The following TAOK3 variants were observed in gnomAD, a reference collection of about 807,000 sequenced individuals.
The protein encoded by TAOK3 is serine/threonine-protein kinase TAO3.
In TAOK3, 40 loss-of-function variants were observed where a neutral mutation model predicts 120.4. That is an observed-to-expected ratio of 0.33 (90% CI 0.26 to 0.43). The LOEUF is 0.43. TAOK3 is among the 20% of genes least tolerant of loss of function. TAOK3 has a pLI of 1.00. For missense variants in TAOK3, 821 were observed against 1,112.1 expected (o/e 0.74, Z 3.72); for synonymous variants, 355 against 387.5 (o/e 0.92, Z 0.99).
rs1016563808 is a variant in TAOK3, at chr12:118,172,484, G to A, written c.1872C>T (p.His624=). ...FFKRKIMIKR[H]EVEQQNIREE... The stretch of plus-strand genomic sequence containing the variant: ...CCCGAATGTTCTGCTGCTCCACCTC[G>A]TGCCGCTTGATCATTATTTTCCGCT... Residue 624 remains histidine, a synonymous_variant, in exon 17 of 21, where the codon CAC becomes CAT. Transcript: ENST00000392533. 13 of 1,613,982 alleles carry A rather than the reference G, an allele frequency of 8.1e-6. No individual in the cohort carries two copies. The highest frequency in any genetic ancestry group is 1.6e-4 in the Middle Eastern group (1 of 6,084).
chr12:118,177,334 T>A lies in TAOK3; in HGVS notation c.1567-5A>T. On this transcript the variant is annotated splice_polypyrimidine_tract_variant and splice_region_variant and intron_variant, in intron 15 of 20. Coordinates refer to ENST00000392533, the MANE Select transcript of TAOK3 (RefSeq NM_016281.4). Reference sequence around the variant, plus strand: ...ATCTGCTGCAGCTACCTTTGCCTGATAAAATAACAAATACAATGTAGGATG... The same window carrying A: ...ATCTGCTGCAGCTACCTTTGCCTGAAAAAATAACAAATACAATGTAGGATG... The A allele has an allele frequency of 6.2e-7, 1 of 1,613,064 alleles. No homozygotes were observed. The highest frequency in any genetic ancestry group is 8.5e-7 in the Non-Finnish European group (1 of 1,179,810).
rs79330926 is a variant in TAOK3, at chr12:118,362,222, G to A, written c.-194+10426C>T. Among the ~76,000 whole-genome samples the A allele has an allele frequency of 8.1e-3, 1,220 of 149,702 alleles. 21 individuals are homozygous for A. The highest frequency in any genetic ancestry group is 0.028 in the African/African-American group (1,146 of 40,630). On this transcript the variant is annotated intron_variant, in intron 1 of 20. Coordinates refer to ENST00000392533, the MANE Select transcript of TAOK3 (RefSeq NM_016281.4). ...TTCATAGACCCTAAAATTTAGGGGT[G>A]TCCAATCTTTTGGCTTCCCTGGGCC...
chr12:118,153,577 G>A lies in TAOK3; in HGVS notation c.2353-1168C>T, dbSNP rs79005259. On this transcript the variant is annotated intron_variant, in intron 19 of 20. Coordinates refer to ENST00000392533, the MANE Select transcript of TAOK3 (RefSeq NM_016281.4). The stretch of plus-strand genomic sequence containing the variant: ...TTCTCAAAGCAGAGTAGAAGGTTTC[G>A]GACCATCAGCAGGACAGTGTTTAGG... 1.5e-3 allele frequency among the ~76,000 whole-genome samples: 223 copies of A among 152,254 alleles called. 3 individuals carry two copies. In the East Asian group the frequency reaches 0.042, roughly 28 times the overall value.
rs776159844 is a variant in TAOK3, at chr12:118,233,726, C to G, written c.591G>C (p.Gln197His). 2 of 1,609,068 alleles carry G rather than the reference C, an allele frequency of 1.2e-6. No homozygotes were observed. The highest frequency in any genetic ancestry group is 4.5e-5 in the East Asian group (2 of 44,252). ...ACCAAATATCAACTTTCCCATCATA[C>G]TGTCCTTCATCCATAGCTAAGATCA... ...PEVILAMDEG[Q>H]YDGKVDIWSL... The change falls in exon 9 of 21, where the codon CAG becomes CAC. Residue 197 changes from glutamine (Q) to histidine (H), a missense_variant. This residue lies in a region of TAOK3 where 467 missense variants were observed against 540.0 expected (regional missense o/e 0.86). Transcript: ENST00000392533.
At position 118,266,907 on chromosome 12, in the gene TAOK3, G is replaced by A. The variant is rs1034783496; in HGVS notation, c.-193-148C>T. 1.7e-5 allele frequency: 6 copies of A among 357,736 alleles called. No homozygotes were observed. The South Asian group carries it at 6.0e-4, about 36-fold the overall frequency. The allele number at this position is 357,736 out of a possible 1,614,324, so 22.2% of individuals were successfully genotyped here. ...TGTTTGTGGATGGCAAAGTTAAAAG[G>A]TAAGATGCTCAAAACAAAGATGCAA... On this transcript the variant is annotated intron_variant, in intron 1 of 20. Coordinates refer to ENST00000392533, the MANE Select transcript of TAOK3 (RefSeq NM_016281.4).
Position 118,242,011 on chromosome 12 carries a change from C to T in TAOK3, c.294+1404G>A, listed in dbSNP as rs145219606. ...CTGAGACAGGAGAATCACTTGAACC[C>T]GGGAGGTGGAGGTTGCAGTCAGCCG... On this transcript the variant is annotated intron_variant, in intron 5 of 20. Coordinates refer to ENST00000392533, the MANE Select transcript of TAOK3 (RefSeq NM_016281.4). Among the ~76,000 whole-genome samples the T allele has an allele frequency of 7.2e-3, 1,087 of 150,936 alleles. 7 individuals carry two copies. The highest frequency in any genetic ancestry group is 0.017 in the Middle Eastern group (5 of 292).
At chr12:118,152,179 C>T (rs754324356) in intron 20 of TAOK3, 48 bp downstream of exon 20, 18 of 1,569,430 alleles carry the variant, frequency 1.1e-5, no homozygotes, top group South Asian at 1.1e-4. Flanking sequence ...CCCTCAGCCA[C>T]GCCCCCTTCC....
intron 6 of TAOK3, 36 bp from the exon 7 acceptor site, chr12:118,238,205 C>A: frequency 8.0e-7 from 1 of 1,243,698 alleles, no homozygotes; most frequent in South Asian, 1.2e-5. Flanking sequence ...AGTAGATGAT[C>A]AGTTTCATTC....
At chr12:118,337,037 G>A (rs1256403969) in intron 1 of TAOK3, among the ~76,000 whole-genome samples, 4 of 152,120 alleles carry the variant, frequency 2.6e-5, no homozygotes, top group Non-Finnish European at 4.4e-5. Flanking sequence ...TCCAGCCTGG[G>A]CAACAGAAGG....
intron 9 of TAOK3, among the ~76,000 whole-genome samples, chr12:118,223,475 T>G (rs952725721): frequency 6.6e-6 from 1 of 151,756 alleles, no homozygotes; most frequent in African/African-American, 2.4e-5. Flanking sequence ...GCCTCCTGAA[T>G]AGCTGGGACT....
At chr12:118,334,854 G>A (rs2044297294) in intron 1 of TAOK3, among the ~76,000 whole-genome samples, 1 of 149,314 alleles carries the variant, frequency 6.7e-6, no homozygotes, top group Non-Finnish European at 1.5e-5. Flanking sequence ...CCAGCTTGGG[G>A]CTTGGGTGAC....
At chr12:118,165,566 C>A (rs1164704749) in intron 17 of TAOK3, among the ~76,000 whole-genome samples, 1 of 152,176 alleles carries the variant, frequency 6.6e-6, no homozygotes, top group Non-Finnish European at 1.5e-5. Flanking sequence ...GCAGCTAATT[C>A]TGATATATAT....
chr12:118,280,088 A>T, intron 1 of TAOK3, among the ~76,000 whole-genome samples: 1 of 127,954 alleles, frequency 7.8e-6, no homozygotes. Context: ...TTTTAGATGG[A>T]GTCTCGCTCT....
chr12:118,330,753 AGAG>A, intron 1 of TAOK3, among the ~76,000 whole-genome samples: 1 of 147,490 alleles, frequency 6.8e-6, no homozygotes, highest in East Asian at 2.1e-4. Flanking sequence ...GAAAGAAGAA[AGAG>A]GAGGACAAAA....
At chr12:118,334,282 A>T (rs575418084) in intron 1 of TAOK3, among the ~76,000 whole-genome samples, 46 of 152,346 alleles carry the variant, frequency 3.0e-4, no homozygotes, top group Non-Finnish European at 5.6e-4. Context: ...TATACAATGA[A>T]ATATTATCCA....
chr12:118,336,970 G>A (rs911515427), intron 1 of TAOK3, among the ~76,000 whole-genome samples: 1 of 152,176 alleles, frequency 6.6e-6, no homozygotes, highest in Admixed American at 6.5e-5. Flanking sequence ...GGAGGCATGA[G>A]AATCGCTTCA....
At chr12:118,322,420 G>A (rs1299709902) in intron 1 of TAOK3, among the ~76,000 whole-genome samples, 1 of 149,558 alleles carries the variant, frequency 6.7e-6, no homozygotes, top group African/African-American at 2.5e-5. Flanking sequence ...TATATTATAT[G>A]AAATTCCAAT....
At position 118,172,506 on chromosome 12, in the gene TAOK3, C is replaced by T. The variant is rs753282491; in HGVS notation, c.1850G>A (p.Arg617Gln). Residue 617 changes from arginine (R) to glutamine (Q), a missense_variant, in exon 17 of 21, where the codon CGG (arginine) becomes CAG (glutamine). Around this residue, in one of 2 missense-constraint regions of TAOK3, gnomAD observed 354 missense variants for 572.1 expected, o/e 0.62. Coordinates refer to ENST00000392533, the MANE Select transcript of TAOK3 (RefSeq NM_016281.4). The stretch of plus-strand genomic sequence containing the variant: ...CTCGTGCCGCTTGATCATTATTTTC[C>T]GCTTGAAGAAACGACAATTTTTGTC... Reference protein sequence around the residue: ...YYDKNCRFFKRKIMIKRHEVE... With the variant: ...YYDKNCRFFKQKIMIKRHEVE... 1.5e-5 allele frequency: 24 copies of T among 1,613,958 alleles called. No homozygotes were observed. The highest frequency in any genetic ancestry group is 4.5e-5 in the East Asian group (2 of 44,880).
intron 4 of TAOK3, 77 bp from the exon 5 acceptor site, chr12:118,243,593 T>G: frequency 5.9e-6 from 3 of 512,720 alleles, no homozygotes; most frequent in Non-Finnish European, 1.0e-5. Context: ...TATACGTATA[T>G]ATCATTTATA....
Sources: allele counts gnomAD v4.1 joint callset (sites outside exome capture counted in the v4.1 genomes callset), GRCh38; gene constraint gnomAD v4.1.1; regional missense constraint gnomAD v4.1.1; transcripts MANE v1.5; gene names NCBI Gene and HGNC (gene_info 2026-07-23, HGNC 2026-07-21).